Variants in SYCE1 observed in about 807,000 individuals in gnomAD.
The protein encoded by SYCE1 is cancer/testis antigen 76.
A neutral mutation model predicts 55.1 loss-of-function variants in SYCE1; 37 were observed. The observed-to-expected ratio is 0.67, with a 90% confidence interval of 0.52 to 0.88. The LOEUF (loss-of-function observed/expected upper bound fraction) is 0.88. Ranked by LOEUF, SYCE1 falls within the 40% of genes least tolerant of loss-of-function variation. SYCE1 has a pLI of 0.00. For missense variants in SYCE1, 399 were observed against 416.4 expected (o/e 0.96, Z 0.36); for synonymous variants, 163 against 159.4 (o/e 1.02, Z -0.17).
intron 1 of SYCE1, 94 bp downstream of exon 1, chr10:133,565,363 T>C (rs1185454093): frequency 8.4e-7 from 1 of 1,185,964 alleles, no homozygotes; most frequent in Non-Finnish European, 1.1e-6. Flanking sequence ...GCATCAGGAC[T>C]GACAGGAAGA....
At chr10:133,563,154 T>A (rs1395908497) in intron 1 of SYCE1, among the ~76,000 whole-genome samples, 1 of 152,362 alleles carries the variant, frequency 6.6e-6, no homozygotes, top group East Asian at 1.9e-4. Flanking sequence ...TATGCAAAAT[T>A]AAGGTGTCTC....
At chr10:133,558,978 T>C (rs750200786) in intron 3 of SYCE1, 27 bp from the exon 4 acceptor site, 26 of 1,599,582 alleles carry the variant, frequency 1.6e-5, no homozygotes, top group Non-Finnish European at 2.2e-5. Flanking sequence ...AAAAACATTG[T>C]GTGAGTGCAG....
chr10:133,555,482 G>T, intron 11 of SYCE1, 44 bp from the exon 12 acceptor site: 1 of 1,612,620 alleles, frequency 6.2e-7, no homozygotes. Context: ...AGGAGGAAAG[G>T]GTGGAGGAGG....
At chr10:133,558,678 C>G (rs1306616923) in intron 4 of SYCE1, 199 bp downstream of exon 4, 1 of 590,268 alleles carries the variant, frequency 1.7e-6, no homozygotes, top group African/African-American at 1.9e-5. Context: ...CTGGCAAAAG[C>G]CCTGAGGTGG....
chr10:133,567,856 G>T (rs766966410), upstream of SYCE1: 2 of 435,406 alleles, frequency 4.6e-6, no homozygotes, highest in South Asian at 3.5e-5. Flanking sequence ...GGTGGGGCAG[G>T]GCCCATGGTC....
upstream of SYCE1, among the ~76,000 whole-genome samples, chr10:133,567,489 G>A (rs559730044): frequency 2.0e-4 from 30 of 152,098 alleles, no homozygotes; most frequent in African/African-American, 3.4e-4. Context: ...GTTCCTGGAC[G>A]GATGGTTTTC....
intron 1 of SYCE1, 54 bp from the exon 2 acceptor site, chr10:133,560,207 TG>T: frequency 7.1e-6 from 11 of 1,553,102 alleles, no homozygotes; most frequent in Non-Finnish European, 8.9e-6. Context: ...AGGCCACCCC[TG>T]GGCTGAGACT....
intron 5 of SYCE1, 47 bp from the exon 6 acceptor site, chr10:133,557,965 G>A (rs542674218): frequency 1.8e-5 from 29 of 1,608,106 alleles, no homozygotes; most frequent in Non-Finnish European, 2.4e-5. Flanking sequence ...CAAGGTATTG[G>A]GTTTTGGCAG....
intron 2 of SYCE1, chr10:133,559,673 G>A: frequency 2.3e-6 from 1 of 434,100 alleles, no homozygotes; most frequent in Non-Finnish European, 4.2e-6. Context: ...AAGTGGTGGG[G>A]GGCAGGCCCT....
At chr10:133,557,408 A>G in intron 6 of SYCE1, 1 of 527,856 alleles carries the variant, frequency 1.9e-6, no homozygotes, top group East Asian at 3.3e-5. Flanking sequence ...TCGTTTTCCC[A>G]AAGAGCTGAA....
chr10:133,556,058 G>T lies in SYCE1; in HGVS notation c.529-11C>A. 6.2e-7 allele frequency: 1 copy of T among 1,612,882 alleles called. No homozygotes were observed. On this transcript the variant is annotated splice_polypyrimidine_tract_variant and intron_variant, in intron 8 of 12. Coordinates refer to ENST00000343131, the MANE Select transcript of SYCE1 (RefSeq NM_001143764.3). The stretch of plus-strand genomic sequence containing the variant: ...CAGCCGCTCTGGCATCTGAGGGGCA[G>T]AAAAGAGGCCTGTCCACTCCTCTTG...
chr10:133,567,149 CA>C (rs1851963500), upstream of SYCE1, among the ~76,000 whole-genome samples: 1 of 149,192 alleles, frequency 6.7e-6, no homozygotes, highest in African/African-American at 2.5e-5. Context: ...GGTTAGGGGT[CA>C]GGGGTCCGGT....
chr10:133,565,328 G>T, intron 1 of SYCE1, 129 bp downstream of exon 1: 1 of 848,780 alleles, frequency 1.2e-6, no homozygotes, highest in Non-Finnish European at 1.7e-6. Flanking sequence ...TTTTTCTGAA[G>T]AAACCCGCTA....
upstream of SYCE1, among the ~76,000 whole-genome samples, chr10:133,566,459 AG>A (rs757688831): frequency 3.9e-5 from 5 of 129,538 alleles, no homozygotes; most frequent in Non-Finnish European, 6.3e-5. Context: ...AGGGGTTAGA[AG>A]TTAGTTTTGG....
intron 3 of SYCE1, 91 bp from the exon 4 acceptor site, chr10:133,559,042 T>G: frequency 7.6e-7 from 1 of 1,321,964 alleles, no homozygotes; most frequent in Non-Finnish European, 1.0e-6. Context: ...GGTAAATCTA[T>G]AGTGGCCTAG....
chr10:133,566,267 G>A (rs1360516568), upstream of SYCE1, among the ~76,000 whole-genome samples: 6 of 152,224 alleles, frequency 3.9e-5, no homozygotes, highest in East Asian at 7.7e-4. Flanking sequence ...CATCGCGACT[G>A]GTTGTGAAGA....
chr10:133,555,033 G>T lies in SYCE1; in HGVS notation c.1015C>A (p.Leu339Ile). 6.4e-7 allele frequency: 1 copy of T among 1,551,356 alleles called. No individual in the cohort carries two copies. The highest frequency in any genetic ancestry group is 2.4e-5 in the East Asian group (1 of 40,916). The stretch of plus-strand genomic sequence containing the variant: ...ATTTCCTGAAAGCCCCTTGGGCTAA[G>T]GTCGGGGTGGAGTGTGTCCTCCTGG... ...IGQEDTLHPD[L>I]SPRGFQEIKE... Residue 339 changes from leucine (L) to isoleucine (I), a missense_variant, in exon 13 of 13, where the codon CTT (leucine) becomes ATT (isoleucine). Leu to Ile is a conservative substitution (Grantham distance 5). Transcript: ENST00000343131.
At chr10:133,563,679 A>G (rs1214529189) in intron 1 of SYCE1, among the ~76,000 whole-genome samples, 1 of 109,740 alleles carries the variant, frequency 9.1e-6, no homozygotes, top group Non-Finnish European at 2.0e-5. Context: ...AACAAAGCAC[A>G]ATCTCGTCTC....
upstream of SYCE1, among the ~76,000 whole-genome samples, chr10:133,567,543 C>A (rs1589975288): frequency 6.6e-6 from 1 of 152,002 alleles, no homozygotes; most frequent in African/African-American, 2.4e-5. Context: ...CTCTTCTGGG[C>A]AGGTGGTTAG....
Sources: allele counts gnomAD v4.1 joint callset (sites outside exome capture counted in the v4.1 genomes callset), GRCh38; gene constraint gnomAD v4.1.1; transcripts MANE v1.5; gene names NCBI Gene and HGNC (gene_info 2026-07-23, HGNC 2026-07-21).